The following NPEPPS variants were observed in gnomAD, a reference collection of about 807,000 sequenced individuals.
NPEPPS encodes the protein puromycin-sensitive aminopeptidase.
Under a neutral mutation model 115.5 loss-of-function variants are expected in NPEPPS, and 14 were observed. The ratio of observed to expected loss-of-function variants is 0.12; its 90% CI spans 0.08 to 0.19. The LOEUF is 0.19. Ranked by LOEUF, NPEPPS falls within the 10% of genes least tolerant of loss-of-function variation. The pLI is 1.00. For missense variants in NPEPPS, 523 were observed against 1,110.8 expected (o/e 0.47, Z 7.52); for synonymous variants, 285 against 390.6 (o/e 0.73, Z 3.19).
intron 19 of NPEPPS, among the ~76,000 whole-genome samples, chr17:47,616,479 T>A (rs1914207577): frequency 6.6e-6 from 1 of 150,432 alleles, no homozygotes; most frequent in African/African-American, 2.4e-5. Context: ...AGGTCAGGAG[T>A]TCAAGACCAG....
chr17:47,529,737 TTATATATATATATATATATA>T (rs56043348), upstream of NPEPPS, among the ~76,000 whole-genome samples: 2 of 25,634 alleles, frequency 7.8e-5, no homozygotes, highest in Admixed American at 4.0e-4. Flanking sequence ...TTCAGTTACA[TTATATATATATATATATATA>T]TATATATATG....
intron 9 of NPEPPS, among the ~76,000 whole-genome samples, chr17:47,589,320 A>G (rs568104356): frequency 6.8e-4 from 104 of 152,156 alleles, no homozygotes; most frequent in Non-Finnish European, 6.0e-4. Context: ...CAGTGGCACA[A>G]TCATGGGTCA....
intron 5 of NPEPPS, 147 bp downstream of exon 5, chr17:47,582,996 G>A (rs1423996978): frequency 8.1e-6 from 4 of 491,154 alleles, no homozygotes; most frequent in African/African-American, 6.0e-5. Flanking sequence ...TTTTCAATAA[G>A]CCTCTTTTTC....
chr17:47,546,092 G>GAGAGAA, intron 2 of NPEPPS, 99 bp downstream of exon 2: 1 of 1,507,554 alleles, frequency 6.6e-7, no homozygotes, highest in Non-Finnish European at 8.9e-7. Context: ...GAGAGAGAGA[G>GAGAGAA]ACATTTTCAG....
intron 19 of NPEPPS, among the ~76,000 whole-genome samples, chr17:47,616,865 G>GA (rs202070532): frequency 9.4e-4 from 132 of 140,432 alleles, no homozygotes; most frequent in Middle Eastern, 7.2e-3. Context: ...ATTGTTTATT[G>GA]AAAAAAAAAA....
At chr17:47,553,690 T>C (rs971822445) in intron 2 of NPEPPS, among the ~76,000 whole-genome samples, 2 of 151,688 alleles carry the variant, frequency 1.3e-5, no homozygotes, top group Non-Finnish European at 2.9e-5. Context: ...CAAAAGCTAA[T>C]AAAAAATAGA....
At chr17:47,537,797 CA>C in intron 1 of NPEPPS, among the ~76,000 whole-genome samples, 1 of 151,230 alleles carries the variant, frequency 6.6e-6, no homozygotes, top group Non-Finnish European at 1.5e-5. Context: ...AGGTTTGTTT[CA>C]TTGTTTTTTT....
At position 47,594,591 on chromosome 17, in the gene NPEPPS, T is replaced by TTATGTTATGTTATGTTATG. The variant is rs1912730751; in HGVS notation, c.1427-1761_1427-1760insATGTTATGTTATGTTATGT. 1.5e-4 allele frequency among the ~76,000 whole-genome samples: 21 copies of TTATGTTATGTTATGTTATG among 138,294 alleles called. No individual in the cohort carries two copies. The South Asian group carries it at 2.4e-3, about 16-fold the overall frequency. 90.7% of individuals were successfully genotyped at this position (138,294 alleles called of 152,430 possible). On this transcript the variant is annotated intron_variant, in intron 12 of 22. Transcript: ENST00000322157. ...ACGGCCGGCTAATTTTGTATTTTAT[T>TTATGTTATGTTATGTTATG]TTATGTTATGTTATGTTATGTTATG... is the stretch of plus-strand genomic sequence containing the variant.
At chr17:47,539,528 TG>T (rs11299787) in intron 1 of NPEPPS, among the ~76,000 whole-genome samples, 77,282 of 151,608 alleles carry the variant, frequency 0.51, 20,212 homozygotes, top group East Asian at 0.66. Flanking sequence ...ATGCTTTTTT[TG>T]GGGGGGGAAT....
intron 14 of NPEPPS, 123 bp downstream of exon 14, chr17:47,599,862 G>A: frequency 1.3e-6 from 1 of 773,078 alleles, no homozygotes; most frequent in Non-Finnish European, 2.1e-6. Context: ...CTGTCGCCCA[G>A]GCTCGAGTGC....
chr17:47,582,447 G>A (rs1485484773), intron 4 of NPEPPS: 1 of 358,866 alleles, frequency 2.8e-6, no homozygotes, highest in African/African-American at 2.1e-5. Context: ...TGATTTGAAG[G>A]CATTTGCATT....
chr17:47,569,939 A>G (rs1385612703), intron 3 of NPEPPS, among the ~76,000 whole-genome samples: 1 of 152,096 alleles, frequency 6.6e-6, no homozygotes. Flanking sequence ...CTTTTTAAAG[A>G]GGTTTGTTGC....
chr17:47,589,994 C>CT (rs1013442508), intron 9 of NPEPPS, among the ~76,000 whole-genome samples: 39 of 151,406 alleles, frequency 2.6e-4, no homozygotes, highest in East Asian at 7.7e-4. Flanking sequence ...CATATATGGG[C>CT]TTTTTTTTTC....
chr17:47,540,954 A>G (rs2143692656), intron 1 of NPEPPS, among the ~76,000 whole-genome samples: 1 of 152,190 alleles, frequency 6.6e-6, no homozygotes, highest in South Asian at 2.1e-4. Context: ...CAGAAATGGT[A>G]GTATCCTGGA....
intron 4 of NPEPPS, chr17:47,581,285 T>G (rs1352855761): frequency 6.6e-6 from 1 of 152,218 alleles, no homozygotes; most frequent in Admixed American, 6.5e-5. Flanking sequence ...TCATTGATTT[T>G]TGCTTAGTAC....
chr17:47,609,178 TGA>T (rs1261917558), intron 17 of NPEPPS, among the ~76,000 whole-genome samples: 2 of 152,102 alleles, frequency 1.3e-5, no homozygotes, highest in Non-Finnish European at 2.9e-5. Flanking sequence ...TCATGTTTTG[TGA>T]GAGAGAGGGC....
intron 2 of NPEPPS, among the ~76,000 whole-genome samples, chr17:47,549,555 G>A (rs1204432509): frequency 1.1e-4 from 17 of 151,900 alleles, no homozygotes; most frequent in Admixed American, 3.3e-4. Context: ...CTAGGTGGGC[G>A]GATCACCTGT....
At chr17:47,564,327 A>T (rs1247169401) in intron 2 of NPEPPS, among the ~76,000 whole-genome samples, 1 of 151,480 alleles carries the variant, frequency 6.6e-6, no homozygotes, top group East Asian at 2.0e-4. Context: ...TGAGCCCAGG[A>T]GTTTGAGACC....
chr17:47,585,705 A>G lies in NPEPPS; in HGVS notation c.849+5A>G, dbSNP rs561302088. On this transcript the variant is annotated splice_donor_5th_base_variant and intron_variant, in intron 6 of 22. Transcript: ENST00000322157. ...CAAGGAAAATTTGCGTTAGAGGTAA[A>G]TGTACTTGAAGAGGATTGTTCCAAC... 1 of 1,610,194 alleles carries G rather than the reference A, an allele frequency of 6.2e-7. No individual in the cohort carries two copies.
Sources: gnomAD v4.1 joint callset for allele counts (sites outside exome capture counted in the v4.1 genomes callset) on GRCh38, gnomAD v4.1.1 for gene constraint, MANE v1.5 for transcripts, NCBI Gene and HGNC (gene_info 2026-07-23, HGNC 2026-07-21) for gene names.